TLK1: variants seen among roughly 807,000 people sequenced by gnomAD.
TLK1 encodes serine/threonine-protein kinase tousled-like 1.
A neutral mutation model predicts 105.3 loss-of-function variants in TLK1; 24 were observed. That is an observed-to-expected ratio of 0.23 (90% CI 0.17 to 0.32). The LOEUF (loss-of-function observed/expected upper bound fraction) is 0.32. TLK1 is among the 10% of genes least tolerant of loss of function. TLK1 has a pLI of 1.00. For missense variants in TLK1, 558 were observed against 910.5 expected, an observed-to-expected ratio of 0.61 and a Z score of 4.98; for synonymous variants, 321 against 310.4, an observed-to-expected ratio of 1.03 and a Z score of -0.36.
At chr2:171,199,783 T>C (rs1430895865) in intron 1 of TLK1, among the ~76,000 whole-genome samples, 6 of 152,210 alleles carry the variant, frequency 3.9e-5, no homozygotes, top group Non-Finnish European at 7.3e-5. Flanking sequence ...ACTGAAAGGT[T>C]TCTGCAAAGT....
intron 1 of TLK1, among the ~76,000 whole-genome samples, chr2:171,225,591 C>T (rs968111495): frequency 2.0e-5 from 3 of 152,158 alleles, no homozygotes; most frequent in African/African-American, 7.2e-5. Context: ...CACAGAGTTA[C>T]TGCGACCCAG....
intron 1 of TLK1, among the ~76,000 whole-genome samples, chr2:171,181,111 T>G (rs570780990): frequency 6.6e-6 from 1 of 152,338 alleles, no homozygotes; most frequent in Non-Finnish European, 1.5e-5. Flanking sequence ...AATTAATGTC[T>G]CATTGAGAGA....
intron 18 of TLK1, among the ~76,000 whole-genome samples, chr2:171,004,765 T>C (rs1017635337): frequency 6.6e-6 from 1 of 152,116 alleles, no homozygotes; most frequent in Non-Finnish European, 1.5e-5. Context: ...GAATAAGATT[T>C]TGTTGTTAAA....
intron 1 of TLK1, among the ~76,000 whole-genome samples, chr2:171,230,416 T>C (rs1693974143): frequency 6.6e-6 from 1 of 152,212 alleles, no homozygotes. Flanking sequence ...GTTTTCCAAA[T>C]TCCGAATTCC....
intron 13 of TLK1, among the ~76,000 whole-genome samples, chr2:171,012,500 T>G (rs1409775565): frequency 6.6e-6 from 1 of 152,154 alleles, no homozygotes; most frequent in African/African-American, 2.4e-5. Context: ...TTTTTTTATT[T>G]TTTGGAGACA....
intron 11 of TLK1, among the ~76,000 whole-genome samples, chr2:171,035,735 C>T (rs944474191): frequency 1.3e-5 from 2 of 152,096 alleles, no homozygotes; most frequent in African/African-American, 4.8e-5. Context: ...CCCATGTGTG[C>T]CCAGAGGGAA....
intron 20 of TLK1, among the ~76,000 whole-genome samples, chr2:170,996,136 C>T (rs1684048982): frequency 1.3e-5 from 2 of 151,848 alleles, no homozygotes; most frequent in African/African-American, 4.8e-5. Context: ...GCAACTGAGA[C>T]TCTAGATGTG....
At chr2:171,067,222 C>T (rs1334134339) in intron 3 of TLK1, among the ~76,000 whole-genome samples, 1 of 149,222 alleles carries the variant, frequency 6.7e-6, no homozygotes, top group Admixed American at 6.8e-5. Context: ...TGCAGTGACA[C>T]GATCTCGGCT....
intron 3 of TLK1, among the ~76,000 whole-genome samples, chr2:171,074,250 T>C (rs1348067929): frequency 6.6e-6 from 1 of 152,216 alleles, no homozygotes; most frequent in African/African-American, 2.4e-5. Flanking sequence ...AAAGAGTACT[T>C]GCTTTCAAGA....
intron 1 of TLK1, among the ~76,000 whole-genome samples, chr2:171,130,390 A>T (rs1691052907): frequency 6.6e-6 from 1 of 151,266 alleles, no homozygotes; most frequent in African/African-American, 2.4e-5. Flanking sequence ...CAACAGAGCA[A>T]CTCTATCTCG....
chr2:171,064,660 GA>G lies in TLK1; in HGVS notation c.331-3505del, dbSNP rs367912144. Among the ~76,000 whole-genome samples, 547 of 152,236 alleles carry G rather than the reference GA, an allele frequency of 3.6e-3. 6 individuals carry two copies. The highest frequency in any genetic ancestry group is 0.012 in the African/African-American group (505 of 41,550). Reference sequence around the variant, plus strand: ...TAGGATTTGGCTTTGAAGTAAAGATGAAAAGTATTCAGTAATTATAAAAGGC... The same window carrying G: ...TAGGATTTGGCTTTGAAGTAAAGATGAAAGTATTCAGTAATTATAAAAGGC... On this transcript the variant is annotated intron_variant, in intron 3 of 20. Coordinates refer to ENST00000431350, the MANE Select transcript of TLK1 (RefSeq NM_012290.5).
chr2:171,028,319 G>A lies in TLK1; in HGVS notation c.1236+20C>T. The A allele has an allele frequency of 6.4e-7, 1 of 1,565,088 alleles. No individual in the cohort carries two copies. The highest frequency in any genetic ancestry group is 8.8e-7 in the Non-Finnish European group (1 of 1,136,736). On this transcript the variant is annotated intron_variant, in intron 12 of 20. Coordinates refer to ENST00000431350, the MANE Select transcript of TLK1 (RefSeq NM_012290.5). ...TCTGGTAGCAAATTGAACTAAAAAT[G>A]CAGCATATGTTTCACATACCTTTTT...
In TLK1 at chr2:171,006,643, C is replaced by T. The variant is rs757638793; in HGVS notation, c.1599G>A (p.Thr533=). ...LYDYFSLDTD[T]FCTVLEYCEG... is the part of the protein sequence containing the mutation. Reference sequence around the variant, plus strand: ...CACAGTATTCTAACACTGTACAAAACCTACAACAGAGAAGAGAAAAAAATT... The same window carrying T: ...CACAGTATTCTAACACTGTACAAAATCTACAACAGAGAAGAGAAAAAAATT... The change falls in exon 17 of 21, where the codon ACG becomes ACA. Residue 533 remains threonine, a splice_region_variant and synonymous_variant. Transcript: ENST00000431350. 4.3e-6 allele frequency: 7 copies of T among 1,611,836 alleles called. No individual in the cohort carries two copies. The African/African-American group carries it at 9.4e-5, about 22-fold the overall frequency.
At position 170,991,433 on chromosome 2, in the gene TLK1, G is replaced by A. The variant is rs1243413533; in HGVS notation, c.*2347C>T. On this transcript the variant is annotated 3_prime_UTR_variant, in exon 21 of 21. Coordinates refer to ENST00000431350, the MANE Select transcript of TLK1 (RefSeq NM_012290.5). ...TGGTTAGCCATCTTGGACCTGCTGG[G>A]TCACTGGCATGTTATTCAAAATCTA... The A allele has an allele frequency of 6.6e-6, 1 of 152,168 alleles. No homozygotes were observed. Among genetic ancestry groups the A allele is most frequent in the Non-Finnish European group, 1.5e-5 (1 of 68,028 alleles). The allele number at this position is 152,168 out of a possible 1,614,324, so 9.4% of individuals were successfully genotyped here.
chr2:171,054,992 A>T, intron 7 of TLK1, 91 bp downstream of exon 7: 1 of 647,672 alleles, frequency 1.5e-6, no homozygotes, highest in Non-Finnish European at 2.4e-6. Context: ...CTTTATGACT[A>T]CATATAAAAC....
intron 11 of TLK1, among the ~76,000 whole-genome samples, chr2:171,038,953 G>A (rs1280329692): frequency 6.6e-6 from 1 of 151,828 alleles, no homozygotes; most frequent in Non-Finnish European, 1.5e-5. Flanking sequence ...ATGATTTGTG[G>A]ATCTGTCTAT....
upstream of TLK1, among the ~76,000 whole-genome samples, chr2:171,163,429 T>G (rs577438313): frequency 6.6e-6 from 1 of 152,350 alleles, no homozygotes; most frequent in East Asian, 1.9e-4. Flanking sequence ...AAATGTATGC[T>G]CTTTCTGTAT....
At chr2:171,123,533 C>A (rs34622740) in intron 1 of TLK1, among the ~76,000 whole-genome samples, 1 of 152,044 alleles carries the variant, frequency 6.6e-6, no homozygotes, top group Non-Finnish European at 1.5e-5. Flanking sequence ...GCAGGCTAAA[C>A]GCAGTGGCTC....
intron 12 of TLK1, among the ~76,000 whole-genome samples, chr2:171,024,726 T>C (rs1685693068): frequency 6.6e-6 from 1 of 152,326 alleles, no homozygotes; most frequent in East Asian, 1.9e-4. Context: ...AGAGGAAGTA[T>C]ATATAGATCT....
Sources: gnomAD v4.1 joint callset for allele counts (sites outside exome capture counted in the v4.1 genomes callset) on GRCh38, gnomAD v4.1.1 for gene constraint, MANE v1.5 for transcripts, NCBI Gene and HGNC (gene_info 2026-07-23, HGNC 2026-07-21) for gene names.